The following LRP1B variants were observed in gnomAD, a reference collection of about 807,000 sequenced individuals.
LRP1B encodes low-density lipoprotein receptor-related protein 1B.
A neutral mutation model predicts 556.6 loss-of-function variants in LRP1B; 217 were observed. The observed-to-expected ratio is 0.39, with a 90% confidence interval of 0.35 to 0.44. LRP1B has a LOEUF of 0.44. Among genes scored for constraint, LRP1B ranks in the 20% least tolerant of loss-of-function variants. The pLI, the probability that LRP1B is intolerant of heterozygous loss-of-function variation, is 1.00. For synonymous variants in LRP1B, 2,047 were observed against 1,865.8 expected, an observed-to-expected ratio of 1.10 and a Z score of -2.50; for missense variants, 5,053 against 5,620.8, an observed-to-expected ratio of 0.90 and a Z score of 3.23.
intron 31 of LRP1B, among the ~76,000 whole-genome samples, chr2:140,839,345 C>CAA (rs1157891317): frequency 6.6e-6 from 1 of 152,130 alleles, no homozygotes; most frequent in Admixed American, 6.6e-5. Context: ...TTGCAGGATG[C>CAA]AAAGTATTGT....
At chr2:140,793,297 C>G (rs535958873) in intron 32 of LRP1B, among the ~76,000 whole-genome samples, 37 of 152,088 alleles carry the variant, frequency 2.4e-4, no homozygotes, top group Non-Finnish European at 4.9e-4. Flanking sequence ...AATCCTTTTA[C>G]AGTGTGCTTC....
intron 2 of LRP1B, among the ~76,000 whole-genome samples, chr2:141,770,356 G>A (rs926095598): frequency 6.6e-5 from 10 of 151,984 alleles, no homozygotes; most frequent in African/African-American, 2.4e-4. Context: ...TAAGAGAATT[G>A]GACATTATAT....
intron 2 of LRP1B, among the ~76,000 whole-genome samples, chr2:141,547,704 C>A (rs1187780809): frequency 6.6e-6 from 1 of 152,122 alleles, no homozygotes; most frequent in Non-Finnish European, 1.5e-5. Context: ...TCCTACCTCA[C>A]CTTCCATGTA....
At chr2:141,236,854 G>A (rs1315282990) in intron 5 of LRP1B, among the ~76,000 whole-genome samples, 2 of 152,068 alleles carry the variant, frequency 1.3e-5, no homozygotes, top group Non-Finnish European at 2.9e-5. Flanking sequence ...AAAAATGTAA[G>A]CCCCAGATAA....
intron 83 of LRP1B, among the ~76,000 whole-genome samples, chr2:140,305,466 T>C (rs1266053918): frequency 2.0e-5 from 3 of 152,224 alleles, no homozygotes; most frequent in Non-Finnish European, 4.4e-5. Flanking sequence ...CTGTTATTGC[T>C]GTATAGGAAT....
At chr2:140,386,130 C>T (rs1683751439) in intron 66 of LRP1B, 121 bp from the exon 67 acceptor site, 1 of 659,812 alleles carries the variant, frequency 1.5e-6, no homozygotes, top group Non-Finnish European at 2.7e-6. Context: ...TACTAAGAAG[C>T]ATCCTTAGGA....
rs79733596 is a variant in LRP1B, at chr2:141,645,569, T to C, written c.205+164710A>G. On this transcript the variant is annotated intron_variant, in intron 2 of 90. Coordinates refer to ENST00000389484, the MANE Select transcript of LRP1B (RefSeq NM_018557.3). ...AAAGGTAGGCTTACTGTTTTAAGAA[T>C]CTCATATTTAAAACAACTAATCTTT... is the stretch of plus-strand genomic sequence containing the variant. Among the ~76,000 whole-genome samples the C allele has an allele frequency of 6.7e-3, 1,000 of 148,384 alleles. 16 individuals are homozygous for C. Among genetic ancestry groups the C allele is most frequent in the African/African-American group, 0.024 (957 of 40,034 alleles).
At chr2:141,307,776 T>C (rs1030334427) in intron 3 of LRP1B, among the ~76,000 whole-genome samples, 5 of 152,090 alleles carry the variant, frequency 3.3e-5, no homozygotes, top group African/African-American at 1.2e-4. Context: ...TGTTATTATG[T>C]CCATATGGGA....
intron 1 of LRP1B, among the ~76,000 whole-genome samples, chr2:142,065,834 A>T (rs1705089612): frequency 6.6e-6 from 1 of 151,434 alleles, no homozygotes. Flanking sequence ...TCATCAACTC[A>T]AAAGTCCCAG....
At chr2:141,287,484 T>C (rs1167773452) in intron 3 of LRP1B, among the ~76,000 whole-genome samples, 2 of 152,042 alleles carry the variant, frequency 1.3e-5, no homozygotes, top group African/African-American at 4.8e-5. Context: ...CACCATGCCC[T>C]ATTTTTGCTT....
intron 60 of LRP1B, among the ~76,000 whole-genome samples, chr2:140,460,627 T>C (rs1050209637): frequency 2.6e-5 from 4 of 152,170 alleles, no homozygotes; most frequent in Admixed American, 2.6e-4. Context: ...AAATCTTTCA[T>C]TTACAGGTAT....
intron 2 of LRP1B, among the ~76,000 whole-genome samples, chr2:141,735,126 G>A (rs1490231593): frequency 1.5e-5 from 2 of 137,716 alleles, no homozygotes; most frequent in African/African-American, 5.3e-5. Flanking sequence ...TGCTTGGAGG[G>A]TTTTGTTTCA....
At chr2:141,044,601 G>A (rs1402757005) in intron 11 of LRP1B, among the ~76,000 whole-genome samples, 1 of 151,690 alleles carries the variant, frequency 6.6e-6, no homozygotes, top group Non-Finnish European at 1.5e-5. Flanking sequence ...CCATCAAAAA[G>A]TGGGCAAAGG....
chr2:141,072,476 C>G lies in LRP1B; in HGVS notation c.1014-10203G>C, dbSNP rs151338570. 5.9e-3 allele frequency among the ~76,000 whole-genome samples: 898 copies of G among 152,166 alleles called. 11 individuals carry two copies. The highest frequency in any genetic ancestry group is 0.02 in the African/African-American group (848 of 41,550). ...CCTATGACCTTTTATTTCCAGTACA[C>G]TGCCACCACCACAGATTCCCATGAT... On this transcript the variant is annotated intron_variant, in intron 7 of 90. Coordinates refer to ENST00000389484, the MANE Select transcript of LRP1B (RefSeq NM_018557.3).
In LRP1B at chr2:140,485,369, T is replaced by C. The variant is rs1321986334; in HGVS notation, c.9399A>G (p.Arg3133=). Residue 3133 remains arginine (R), a synonymous_variant, in exon 59 of 91, where the codon AGA becomes AGG. Coordinates refer to ENST00000389484, the MANE Select transcript of LRP1B (RefSeq NM_018557.3). ...ILVSKRLKFP[R]DLSLDPQAGY... ...CAGCTTGAGGATCTAAAGACAAGTC[T>C]CTGGGAAACTTCAGCCTTTTGCTAA... The C allele has an allele frequency of 4.3e-6, 7 of 1,611,602 alleles. No homozygotes were observed. The highest frequency in any genetic ancestry group is 5.9e-6 in the Non-Finnish European group (7 of 1,179,196).
At chr2:141,902,116 G>A (rs1002106925) in intron 1 of LRP1B, among the ~76,000 whole-genome samples, 28 of 151,054 alleles carry the variant, frequency 1.9e-4, no homozygotes, top group Non-Finnish European at 3.4e-4. Flanking sequence ...AATCAAATCA[G>A]TACAAAAAGT....
At chr2:140,450,982 C>T (rs1322535929) in intron 62 of LRP1B, among the ~76,000 whole-genome samples, 1 of 152,156 alleles carries the variant, frequency 6.6e-6, no homozygotes, top group African/African-American at 2.4e-5. Flanking sequence ...CGCTCTGTCG[C>T]CCAGGCTGGA....
chr2:140,752,092 G>T (rs530682083), intron 35 of LRP1B, among the ~76,000 whole-genome samples: 11 of 152,054 alleles, frequency 7.2e-5, no homozygotes, highest in African/African-American at 2.4e-4. Flanking sequence ...CAAGGCGGGC[G>T]GATCACGAGG....
At chr2:141,433,357 C>T (rs933643302) in intron 3 of LRP1B, among the ~76,000 whole-genome samples, 7 of 151,942 alleles carry the variant, frequency 4.6e-5, no homozygotes, top group African/African-American at 4.8e-5. Context: ...TTAAGAAGAG[C>T]GTGTATTCTG....
Sources: allele counts gnomAD v4.1 joint callset (sites outside exome capture counted in the v4.1 genomes callset), GRCh38; gene constraint gnomAD v4.1.1; transcripts MANE v1.5; gene names NCBI Gene and HGNC (gene_info 2026-07-23, HGNC 2026-07-21).